The following CTNNA3 variants were observed in gnomAD, a reference collection of about 807,000 sequenced individuals.
The protein encoded by CTNNA3 is catenin alpha 3.
A neutral mutation model predicts 95.7 loss-of-function variants in CTNNA3; 76 were observed. The observed-to-expected ratio is 0.79, with a 90% CI of 0.66 to 0.96. CTNNA3 has a LOEUF of 0.96. Ranked by LOEUF, CTNNA3 falls within the 40% of genes least tolerant of loss-of-function variation. The probability of loss-of-function intolerance (pLI) is 0.00; values close to 1 mark genes in which losing one functional copy is unlikely to be tolerated. For synonymous variants in CTNNA3, 431 were observed against 374.4 expected (o/e 1.15, Z -1.74); for missense variants, 1,191 against 1,089.8 (o/e 1.09, Z -1.31).
intron 9 of CTNNA3, among the ~76,000 whole-genome samples, chr10:66,757,637 TA>T (rs1351868113): frequency 3.3e-5 from 5 of 152,186 alleles, no homozygotes; most frequent in African/African-American, 1.2e-4. Flanking sequence ...AGAAGAAATC[TA>T]ATCAACTCAG....
Position 67,430,820 on chromosome 10 carries a change from TACACAC to T in CTNNA3, c.579+91016_579+91021del, listed in dbSNP as rs371146065. ...TGAATGAGCATGACTCAAACATAAC[TACACAC>T]ACACACACACACACACACACACACA... On this transcript the variant is annotated intron_variant, in intron 5 of 17. Transcript: ENST00000433211. Among the ~76,000 whole-genome samples, 597 of 138,858 alleles carry T rather than the reference TACACAC, an allele frequency of 4.3e-3. 9 individuals are homozygous for T. Among genetic ancestry groups the T allele is most frequent in the East Asian group, 0.033 (149 of 4,578 alleles). 91.1% of individuals were successfully genotyped at this position (138,858 alleles called of 152,430 possible). A position where few individuals can be genotyped will look rare whatever the true frequency, so the allele number is the denominator to read the frequency against.
At chr10:67,012,987 AGGCATCT>A (rs1400563411) in intron 7 of CTNNA3, 1 of 152,140 alleles carries the variant, frequency 6.6e-6, no homozygotes, top group Non-Finnish European at 1.5e-5. Context: ...TTTCCAGGTA[AGGCATCT>A]TACCAGTTCT....
intron 7 of CTNNA3, among the ~76,000 whole-genome samples, chr10:67,045,228 C>T (rs1306010631): frequency 6.6e-6 from 1 of 152,098 alleles, no homozygotes; most frequent in Non-Finnish European, 1.5e-5. Context: ...GATTACTCTA[C>T]CAACATTTAT....
chr10:67,496,885 A>G lies in CTNNA3; in HGVS notation c.579+24957T>C, dbSNP rs543712527. ...AGGTAATACACACTCAACCTTCTAT[A>G]AGCTATCTTAACTTTTTTATTTTTC... On this transcript the variant is annotated intron_variant, in intron 5 of 17. Transcript: ENST00000433211. Among the ~76,000 whole-genome samples, 328 of 152,262 alleles carry G rather than the reference A, an allele frequency of 2.2e-3. 2 individuals carry two copies. Among genetic ancestry groups the G allele is most frequent in the African/African-American group, 7.5e-3 (313 of 41,546 alleles).
In CTNNA3 at chr10:66,571,545, C is replaced by A. The variant is rs1043566723; in HGVS notation, c.1374+50147G>T. On this transcript the variant is annotated intron_variant, in intron 10 of 17. Transcript: ENST00000433211. The stretch of plus-strand genomic sequence containing the variant: ...TGGACCTCTGACTCATAACTAAGCC[C>A]AGTTCAAGAAAACACGTATTTATTC... Among the ~76,000 whole-genome samples the A allele has an allele frequency of 3.0e-4, 46 of 152,222 alleles. 1 individual carries two copies. Among genetic ancestry groups the A allele is most frequent in the Admixed American group, 2.9e-3 (44 of 15,290 alleles).
At chr10:66,305,452 G>T (rs1212183859) in intron 12 of CTNNA3, among the ~76,000 whole-genome samples, 2 of 152,092 alleles carry the variant, frequency 1.3e-5, no homozygotes, top group African/African-American at 2.4e-5. Context: ...TCTGCATTTG[G>T]CTCATTATTC....
At chr10:66,788,196 C>A (rs1840822150) in intron 7 of CTNNA3, among the ~76,000 whole-genome samples, 1 of 151,938 alleles carries the variant, frequency 6.6e-6, no homozygotes, top group South Asian at 2.1e-4. Context: ...CTTTAATGAC[C>A]ACCACCCTCC....
In CTNNA3 at chr10:66,072,780, T is replaced by A. The variant is rs542122527; in HGVS notation, c.1978-3291A>T. Among the ~76,000 whole-genome samples, 33 of 152,196 alleles carry A rather than the reference T, an allele frequency of 2.2e-4. No individual in the cohort carries two copies. The South Asian group carries it at 6.8e-3, about 32-fold the overall frequency. Reference sequence around the variant, plus strand: ...TGCCAAACGCGCATCTCCCAAAGAATCTGTGCTGACCCTTTTAACTTTCTT... The same window carrying A: ...TGCCAAACGCGCATCTCCCAAAGAAACTGTGCTGACCCTTTTAACTTTCTT... On this transcript the variant is annotated intron_variant, in intron 14 of 17. Coordinates refer to ENST00000433211, the MANE Select transcript of CTNNA3 (RefSeq NM_013266.4).
intron 5 of CTNNA3, among the ~76,000 whole-genome samples, chr10:67,378,720 G>A (rs1475709569): frequency 1.3e-5 from 2 of 152,074 alleles, no homozygotes; most frequent in African/African-American, 4.8e-5. Flanking sequence ...ATGTTGCTGT[G>A]AATGACAGGA....
intron 13 of CTNNA3, among the ~76,000 whole-genome samples, chr10:66,109,406 C>T (rs2082032971): frequency 6.6e-6 from 1 of 152,132 alleles, no homozygotes; most frequent in Non-Finnish European, 1.5e-5. Context: ...AAGTTTAGCA[C>T]CAACCCTAGC....
chr10:66,580,270 T>C (rs75312206), intron 10 of CTNNA3, among the ~76,000 whole-genome samples: 3,899 of 151,838 alleles, frequency 0.026, 88 homozygotes, highest in South Asian at 0.056. Context: ...TCTTCCCCTT[T>C]GCTTATTTTT....
At chr10:67,670,756 T>G (rs1289860404) in intron 1 of CTNNA3, among the ~76,000 whole-genome samples, 1 of 152,214 alleles carries the variant, frequency 6.6e-6, no homozygotes, top group African/African-American at 2.4e-5. Context: ...ATAGTCTATA[T>G]TCCCTGTTCT....
At position 66,777,762 on chromosome 10, in the gene CTNNA3, TACAC is replaced by T. The variant is rs372712619; in HGVS notation, c.1048-2242_1048-2239del. Among the ~76,000 whole-genome samples the T allele has an allele frequency of 4.2e-3, 574 of 136,904 alleles. 2 individuals are homozygous for T. Among genetic ancestry groups the T allele is most frequent in the Admixed American group, 0.013 (174 of 13,734 alleles). The allele number at this position is 136,904 out of a possible 152,430, so 89.8% of individuals were successfully genotyped here. On this transcript the variant is annotated intron_variant, in intron 7 of 17. Coordinates refer to ENST00000433211, the MANE Select transcript of CTNNA3 (RefSeq NM_013266.4). Reference sequence around the variant, plus strand: ...AAGTGGGACAGACAAAGAGACCTCCTACACACACACACACACACACACACACACA... The same window carrying T: ...AAGTGGGACAGACAAAGAGACCTCCTACACACACACACACACACACACACA...
intron 7 of CTNNA3, among the ~76,000 whole-genome samples, chr10:67,067,161 G>A (rs552743372): frequency 6.6e-6 from 1 of 152,238 alleles, no homozygotes; most frequent in Admixed American, 6.5e-5. Flanking sequence ...ACATAAGCAT[G>A]TCATATAATA....
At chr10:67,085,842 G>C (rs1457902019) in intron 7 of CTNNA3, among the ~76,000 whole-genome samples, 2 of 151,950 alleles carry the variant, frequency 1.3e-5, no homozygotes, top group African/African-American at 2.4e-5. Context: ...ACAATCTAGA[G>C]AGATAGATTA....
chr10:66,785,161 C>T (rs1840692005), intron 7 of CTNNA3, among the ~76,000 whole-genome samples: 1 of 152,102 alleles, frequency 6.6e-6, no homozygotes, highest in African/African-American at 2.4e-5. Context: ...ATAGAAACAT[C>T]TGGATTTCAT....
intron 11 of CTNNA3, among the ~76,000 whole-genome samples, chr10:66,447,289 A>G (rs1434999748): frequency 1.3e-5 from 2 of 152,110 alleles, no homozygotes; most frequent in Non-Finnish European, 2.9e-5. Context: ...TCATCAAGCT[A>G]CCAATGACTT....
chr10:66,717,074 A>G (rs1453233978), intron 9 of CTNNA3, among the ~76,000 whole-genome samples: 1 of 151,978 alleles, frequency 6.6e-6, no homozygotes, highest in African/African-American at 2.4e-5. Flanking sequence ...TATCCCCCAT[A>G]AGAAGGGATT....
At chr10:67,032,543 C>T (rs972316847) in intron 7 of CTNNA3, among the ~76,000 whole-genome samples, 1 of 152,148 alleles carries the variant, frequency 6.6e-6, no homozygotes, top group Non-Finnish European at 1.5e-5. Context: ...ATACTCTCTA[C>T]AGATTTCTTT....
Sources: allele counts gnomAD v4.1 joint callset (sites outside exome capture counted in the v4.1 genomes callset), GRCh38; gene constraint gnomAD v4.1.1; transcripts MANE v1.5; gene names NCBI Gene and HGNC (gene_info 2026-07-23, HGNC 2026-07-21).